PDE1A: variants seen among roughly 807,000 people sequenced by gnomAD.
PDE1A encodes dual specificity calcium/calmodulin-dependent 3',5'-cyclic nucleotide phosphodiesterase 1A.
PDE1A carries 35 observed loss-of-function variants against 61.7 expected under a neutral mutation model. The ratio of observed to expected loss-of-function variants is 0.57; its 90% CI spans 0.43 to 0.75. The LOEUF is 0.75. Ranked by LOEUF, PDE1A falls within the 30% of genes least tolerant of loss-of-function variation. The probability of loss-of-function intolerance (pLI) is 0.00; values close to 1 mark genes in which losing one functional copy is unlikely to be tolerated. For synonymous variants in PDE1A, 232 were observed against 213.2 expected (o/e 1.09, Z -0.77); for missense variants, 597 against 630.6 (o/e 0.95, Z 0.57).
At chr2:182,317,006 A>C (rs1696379183) in intron 1 of PDE1A, among the ~76,000 whole-genome samples, 3 of 152,098 alleles carry the variant, frequency 2.0e-5, no homozygotes, top group Non-Finnish European at 2.9e-5. Context: ...TTAGGTTTAA[A>C]AGGCTTGTGT....
chr2:182,628,246 G>A, the PDE1A span, among the ~76,000 whole-genome samples: 1 of 152,314 alleles, frequency 6.6e-6, no homozygotes, highest in African/African-American at 2.4e-5. Context: ...GAAAAGGGAG[G>A]TATCCCACTG....
chr2:182,223,778 TA>T, intron 7 of PDE1A, 85 bp downstream of exon 7: 1 of 741,612 alleles, frequency 1.3e-6, no homozygotes. Flanking sequence ...GAATCTTTAT[TA>T]TTTTTTAAAA....
At chr2:182,495,535 G>A (rs2125898456) in intron 2 of PDE1A, among the ~76,000 whole-genome samples, 1 of 152,238 alleles carries the variant, frequency 6.6e-6, no homozygotes. Flanking sequence ...CCCAATCAGT[G>A]ATTTTTAACG....
intron 2 of PDE1A, among the ~76,000 whole-genome samples, chr2:182,516,117 T>C (rs960066780): frequency 6.6e-6 from 1 of 152,138 alleles, no homozygotes; most frequent in Non-Finnish European, 1.5e-5. Flanking sequence ...TTGAAATAAA[T>C]GAATTATCTT....
intron 7 of PDE1A, among the ~76,000 whole-genome samples, chr2:182,211,551 A>C (rs957341101): frequency 6.6e-6 from 1 of 152,212 alleles, no homozygotes; most frequent in African/African-American, 2.4e-5. Context: ...AGAATCATAA[A>C]ATAACTTGCT....
chr2:182,595,303 G>A, the PDE1A span, among the ~76,000 whole-genome samples: 3 of 152,224 alleles, frequency 2.0e-5, no homozygotes, highest in Middle Eastern at 0.01. Flanking sequence ...TCCTCCCAGA[G>A]GACCTAAAGC....
At chr2:182,167,785 A>G (rs1691733180), downstream of PDE1A, 3 of 464,656 alleles carry the variant, frequency 6.5e-6, no homozygotes, top group African/African-American at 6.4e-5. Context: ...GTTTTCAAAG[A>G]TATCTATCCC....
At chr2:182,197,606 C>T (rs922856128) in intron 10 of PDE1A, among the ~76,000 whole-genome samples, 1 of 151,820 alleles carries the variant, frequency 6.6e-6, no homozygotes, top group African/African-American at 2.4e-5. Context: ...GTTTCCTTTT[C>T]TTCCCATACA....
chr2:182,244,741 T>G (rs1206388728), intron 2 of PDE1A, among the ~76,000 whole-genome samples: 1 of 152,146 alleles, frequency 6.6e-6, no homozygotes, highest in Non-Finnish European at 1.5e-5. Context: ...TCCATGTTGG[T>G]TTCTTTTTGA....
At chr2:182,433,109 C>A (rs920450277) in intron 2 of PDE1A, among the ~76,000 whole-genome samples, 4 of 152,070 alleles carry the variant, frequency 2.6e-5, no homozygotes, top group African/African-American at 9.7e-5. Context: ...AGATACACTG[C>A]TCCATCTCAG....
intron 1 of PDE1A, among the ~76,000 whole-genome samples, chr2:182,376,829 G>A (rs1264001514): frequency 6.6e-6 from 1 of 152,170 alleles, no homozygotes. Flanking sequence ...AGGCAAGGAG[G>A]AGCAAGTCAC....
intron 1 of PDE1A, among the ~76,000 whole-genome samples, chr2:182,318,345 C>G (rs1463204063): frequency 6.6e-6 from 1 of 152,134 alleles, no homozygotes; most frequent in Non-Finnish European, 1.5e-5. Context: ...CCCCAGTTGT[C>G]CCCTACTGAA....
intron 13 of PDE1A, among the ~76,000 whole-genome samples, chr2:182,156,352 C>CTT (rs562822681): frequency 7.3e-4 from 106 of 146,156 alleles, no homozygotes; most frequent in African/African-American, 2.6e-3. Context: ...CCTTTCAACA[C>CTT]TTTTTTTTTT....
chr2:182,267,124 A>G (rs200326277), intron 1 of PDE1A, among the ~76,000 whole-genome samples: 2 of 152,118 alleles, frequency 1.3e-5, no homozygotes, highest in Non-Finnish European at 2.9e-5. Context: ...CTAACTCACA[A>G]CAGCCTGTGG....
At chr2:182,288,699 A>G (rs1430995569) in intron 1 of PDE1A, among the ~76,000 whole-genome samples, 1 of 152,006 alleles carries the variant, frequency 6.6e-6, no homozygotes, top group East Asian at 1.9e-4. Flanking sequence ...TCCATGTCAG[A>G]CGTGTTATCC....
At chr2:182,425,609 C>A (rs975274653) in intron 1 of PDE1A, among the ~76,000 whole-genome samples, 1 of 152,086 alleles carries the variant, frequency 6.6e-6, no homozygotes, top group African/African-American at 2.4e-5. Context: ...AAAATGGCCA[C>A]ATTTTATATA....
At chr2:182,211,312 G>T (rs1190160221) in intron 7 of PDE1A, among the ~76,000 whole-genome samples, 1 of 152,186 alleles carries the variant, frequency 6.6e-6, no homozygotes, top group Non-Finnish European at 1.5e-5. Context: ...CTTTGTCAAA[G>T]ATCAGTTGAC....
the PDE1A span, among the ~76,000 whole-genome samples, chr2:182,562,574 T>A: frequency 6.6e-6 from 1 of 152,160 alleles, no homozygotes; most frequent in Non-Finnish European, 1.5e-5. Flanking sequence ...CCTTATAAAA[T>A]GAGTTAGCGA....
At chr2:182,334,836 GTC>G (rs1472869598) in intron 1 of PDE1A, among the ~76,000 whole-genome samples, 1 of 152,178 alleles carries the variant, frequency 6.6e-6, no homozygotes, top group African/African-American at 2.4e-5. Flanking sequence ...AAGTCAAATT[GTC>G]TCTGTTTGCA....
Sources: allele counts gnomAD v4.1 joint callset (sites outside exome capture counted in the v4.1 genomes callset), GRCh38; gene constraint gnomAD v4.1.1; transcripts MANE v1.5; gene names NCBI Gene and HGNC (gene_info 2026-07-23, HGNC 2026-07-21).